CES5A: variants seen among roughly 807,000 people sequenced by gnomAD.
CES5A encodes carboxylesterase 5A, also known as carboxylesterase 5.
Under a neutral mutation model 62.9 loss-of-function variants are expected in CES5A, and 67 were observed. That is an observed-to-expected ratio of 1.07 (90% CI 0.88 to 1.31). The LOEUF (loss-of-function observed/expected upper bound fraction) is 1.31, where lower values mean the gene tolerates loss of function less well. Among genes scored for constraint, CES5A ranks in the 50% most tolerant of loss-of-function variants. The pLI is 0.00. For missense variants in CES5A, 748 were observed against 708.5 expected (o/e 1.06, Z -0.63); for synonymous variants, 296 against 280.8 (o/e 1.05, Z -0.54).
chr16:55,878,080 G>A (rs191314946), upstream of CES5A, among the ~76,000 whole-genome samples: 1 of 152,102 alleles, frequency 6.6e-6, no homozygotes, highest in East Asian at 1.9e-4. Context: ...TGGCCCCTGG[G>A]AGACACAGAC....
chr16:55,920,497 AGG>A (rs1375880445), intron 1 of CES5A, among the ~76,000 whole-genome samples: 1 of 152,192 alleles, frequency 6.6e-6, no homozygotes, highest in Non-Finnish European at 1.5e-5. Flanking sequence ...CACACTGCTG[AGG>A]TATCCCCTTT....
rs765953000 is a variant in CES5A at position 55,865,962 on chromosome 16, CAAGACTAGA to C, written c.697_705del (p.Ser233_Leu235del). 1.1e-5 allele frequency: 17 copies of C among 1,614,056 alleles called. No individual in the cohort carries two copies. Among genetic ancestry groups the C allele is most frequent in the Non-Finnish European group, 1.7e-6 (2 of 1,180,032 alleles). On this transcript the variant is annotated inframe_deletion and splice_region_variant, in exon 5 of 13. Coordinates refer to ENST00000290567, the MANE Select transcript of CES5A (RefSeq NM_001143685.2). ...TTCAAACCACAAAGCAGAGAACTCA[CAAGACTAGA>C]AACACTTATGGCTCCCGCGGACTCG... is the stretch of plus-strand genomic sequence containing the variant.
At chr16:55,931,250 T>C (rs2034308614) in intron 2 of CES5A, among the ~76,000 whole-genome samples, 1 of 152,220 alleles carries the variant, frequency 6.6e-6, no homozygotes, top group Non-Finnish European at 1.5e-5. Flanking sequence ...CTGCAGTCTA[T>C]TTTCTACACA....
chr16:55,879,779 G>C (rs530722521), upstream of CES5A, among the ~76,000 whole-genome samples: 1 of 152,012 alleles, frequency 6.6e-6, no homozygotes, highest in Non-Finnish European at 1.5e-5. Context: ...TTTTTGTAGA[G>C]ATGGAGTCTC....
chr16:55,947,512 G>T (rs1360036010), intron 2 of CES5A, among the ~76,000 whole-genome samples: 1 of 152,100 alleles, frequency 6.6e-6, no homozygotes, highest in East Asian at 1.9e-4. Flanking sequence ...TTCTCATAAA[G>T]CTTCCATTCT....
intron 1 of CES5A, among the ~76,000 whole-genome samples, chr16:55,913,543 T>C (rs1320351178): frequency 2.6e-5 from 4 of 152,222 alleles, no homozygotes; most frequent in Non-Finnish European, 5.9e-5. Context: ...TTATCTATTT[T>C]GTTTCAGAGT....
At chr16:55,933,061 G>A (rs13333123) in intron 2 of CES5A, among the ~76,000 whole-genome samples, 1,841 of 152,302 alleles carry the variant, frequency 0.012, 39 homozygotes, top group African/African-American at 0.041. Context: ...GCCCACATGA[G>A]AGTCCAGTGT....
At chr16:55,859,077 A>C (rs1467771310) in intron 8 of CES5A, among the ~76,000 whole-genome samples, 3 of 152,234 alleles carry the variant, frequency 2.0e-5, no homozygotes, top group African/African-American at 7.2e-5. Flanking sequence ...TGCTCAGTAC[A>C]TACTTGTTGA....
intron 1 of CES5A, among the ~76,000 whole-genome samples, chr16:55,874,635 T>C (rs1301563746): frequency 2.0e-5 from 3 of 152,244 alleles, no homozygotes; most frequent in Non-Finnish European, 4.4e-5. Context: ...TTTAAAATTC[T>C]CATGCAGATA....
intron 2 of CES5A, among the ~76,000 whole-genome samples, chr16:55,932,725 G>C (rs890227265): frequency 1.2e-4 from 18 of 152,320 alleles, no homozygotes; most frequent in Non-Finnish European, 2.4e-4. Context: ...AGCTTGTTGA[G>C]TCTGAGGCAG....
Position 55,846,554 on chromosome 16 carries a change from G to A in CES5A, c.1625C>T (p.Thr542Ile). Reference sequence around the variant, plus strand: ...GGAGGCAGACAGGATCAGGGGGATGGTGCTGGTCCAAAAATCCACCCGCGG... The same window carrying A: ...GGAGGCAGACAGGATCAGGGGGATGATGCTGGTCCAAAAATCCACCCGCGG... ...KEPRVDFWTS[T>I]IPLILSASDM... The change falls in exon 13 of 13, where the codon ACC becomes ATC. Residue 542 changes from threonine (T) to isoleucine (I), a missense_variant. By Grantham distance (89) the Thr-to-Ile change is moderately conservative (BLOSUM62 -1). Coordinates refer to ENST00000290567, the MANE Select transcript of CES5A (RefSeq NM_001143685.2). 1 of 1,614,166 alleles carries A rather than the reference G, an allele frequency of 6.2e-7. No homozygotes were observed. The highest frequency in any genetic ancestry group is 8.5e-7 in the Non-Finnish European group (1 of 1,180,030).
chr16:55,874,867 T>C (rs1215579901), intron 1 of CES5A, among the ~76,000 whole-genome samples: 1 of 152,188 alleles, frequency 6.6e-6, no homozygotes, highest in Non-Finnish European at 1.5e-5. Context: ...ACAGGCTCTG[T>C]TCCTCACGCT....
chr16:55,863,486 T>G (rs750449377), intron 5 of CES5A, 34 bp from the exon 6 acceptor site: 54 of 1,066,756 alleles, frequency 5.1e-5, no homozygotes, highest in Non-Finnish European at 7.3e-5. Flanking sequence ...CAGGAAAGGT[T>G]ACTCCCCACC....
At chr16:55,864,166 G>C (rs1238601907) in intron 5 of CES5A, among the ~76,000 whole-genome samples, 8 of 152,206 alleles carry the variant, frequency 5.3e-5, no homozygotes, top group Admixed American at 5.2e-4. Context: ...ACTCTTCACA[G>C]AGGTTCTGGT....
intron 2 of CES5A, among the ~76,000 whole-genome samples, chr16:55,943,412 G>A (rs1303553046): frequency 6.6e-6 from 1 of 152,156 alleles, no homozygotes; most frequent in Non-Finnish European, 1.5e-5. Context: ...GGACTCCACA[G>A]CCAGTGCTCC....
intron 2 of CES5A, among the ~76,000 whole-genome samples, chr16:55,943,255 G>A (rs2034462976): frequency 6.6e-6 from 1 of 152,128 alleles, no homozygotes; most frequent in African/African-American, 2.4e-5. Context: ...TTCCCTCCAT[G>A]TAATCTTCTC....
chr16:55,931,426 A>C (rs553822635), intron 2 of CES5A, among the ~76,000 whole-genome samples: 1 of 152,346 alleles, frequency 6.6e-6, no homozygotes, highest in South Asian at 2.1e-4. Flanking sequence ...GACTCAGTCA[A>C]TGACAGCCTA....
intron 1 of CES5A, among the ~76,000 whole-genome samples, chr16:55,894,511 A>AAAAAAG (rs1555484116): frequency 3.3e-5 from 5 of 150,728 alleles, no homozygotes; most frequent in African/African-American, 9.8e-5. Flanking sequence ...AAAAAAAAAA[A>AAAAAAG]AAAAGAAAAG....
At chr16:55,938,661 C>T (rs2034403700) in intron 2 of CES5A, among the ~76,000 whole-genome samples, 1 of 136,538 alleles carries the variant, frequency 7.3e-6, no homozygotes, top group African/African-American at 2.8e-5. Context: ...GGTGTGAACC[C>T]GGGGGCAGAG....
Sources: allele counts gnomAD v4.1 joint callset (sites outside exome capture counted in the v4.1 genomes callset), GRCh38; gene constraint gnomAD v4.1.1; transcripts MANE v1.5; gene names NCBI Gene and HGNC (gene_info 2026-07-23, HGNC 2026-07-21).